Variants in ACKR2 observed in about 807,000 individuals in gnomAD.
The protein encoded by ACKR2 is C-C chemokine receptor D6.
For synonymous variants in ACKR2, 207 were observed against 192.2 expected (o/e 1.08, Z -0.64); for missense variants, 457 against 477.3 (o/e 0.96, Z 0.40).
chr3:42,810,436 C>T (rs1455298946), intron 1 of ACKR2, among the ~76,000 whole-genome samples: 1 of 151,006 alleles, frequency 6.6e-6, no homozygotes, highest in Non-Finnish European at 1.5e-5. Flanking sequence ...CCTTTTTCGC[C>T]TTTTTTCCTC....
At chr3:42,861,090 G>C (rs1000129818) in intron 2 of ACKR2, among the ~76,000 whole-genome samples, 2 of 152,046 alleles carry the variant, frequency 1.3e-5, no homozygotes, top group Admixed American at 6.5e-5. Flanking sequence ...TTTTTGAAAA[G>C]ATCAACAAAA....
chr3:42,862,433 G>C (rs2088393843), intron 2 of ACKR2, among the ~76,000 whole-genome samples: 1 of 152,096 alleles, frequency 6.6e-6, no homozygotes, highest in Non-Finnish European at 1.5e-5. Context: ...TGGCCATACT[G>C]CCCAAAGTGA....
chr3:42,859,147 C>T (rs2088354699), intron 2 of ACKR2, among the ~76,000 whole-genome samples: 1 of 152,008 alleles, frequency 6.6e-6, no homozygotes, highest in African/African-American at 2.4e-5. Flanking sequence ...CAAGACAGGC[C>T]AACATTCAAA....
rs1181594280 is a variant in ACKR2, at chr3:42,866,823, A to C, written c.*1166A>C. ...GCTGGGTAGAAGAGGTTAGTTTTAT[A>C]GACAGGAAGGGGCTGTCAAAGGCAG... On this transcript the variant is annotated 3_prime_UTR_variant, in exon 3 of 3. Coordinates refer to ENST00000422265, the MANE Select transcript of ACKR2 (RefSeq NM_001296.5). 6.0e-6 allele frequency: 1 copy of C among 167,032 alleles called. No homozygotes were observed. Among genetic ancestry groups the C allele is most frequent in the Non-Finnish European group, 1.5e-5 (1 of 68,114 alleles). The allele number at this position is 167,032 out of a possible 1,614,324, so 10.3% of individuals were successfully genotyped here.
chr3:42,828,278 T>G (rs1199256039), intron 2 of ACKR2, among the ~76,000 whole-genome samples: 2 of 151,638 alleles, frequency 1.3e-5, no homozygotes, highest in Non-Finnish European at 2.9e-5. Context: ...CCCAGCTGAT[T>G]TTTGTATTTT....
chr3:42,864,299 A>C (rs531016643), intron 2 of ACKR2, among the ~76,000 whole-genome samples, 167 bp from the exon 3 acceptor site: 1 of 152,232 alleles, frequency 6.6e-6, no homozygotes, highest in Non-Finnish European at 1.5e-5. Flanking sequence ...TCTTGGTGAC[A>C]TAACTATTAA....
At chr3:42,860,212 C>T (rs1475210714) in intron 2 of ACKR2, among the ~76,000 whole-genome samples, 2 of 123,326 alleles carry the variant, frequency 1.6e-5, no homozygotes, top group East Asian at 2.6e-4. Flanking sequence ...ATCCTAGTCT[C>T]TGATAAAACA....
rs1575374427 is a variant in ACKR2 at position 42,818,315 on chromosome 3, A to T, written c.-118-1316A>T. ...ATTCACCAAACATGAAAGCTGGGTC[A>T]ATCCCTGATGCCACTTCCTCCTTTC... On this transcript the variant is annotated intron_variant, in intron 1 of 2. Coordinates refer to ENST00000422265, the MANE Select transcript of ACKR2 (RefSeq NM_001296.5). Among the ~76,000 whole-genome samples, 6 of 152,330 alleles carry T rather than the reference A, an allele frequency of 3.9e-5. No homozygotes were observed. The South Asian group carries it at 1.2e-3, about 32-fold the overall frequency.
intron 2 of ACKR2, among the ~76,000 whole-genome samples, chr3:42,845,998 G>A (rs551159942): frequency 2.0e-5 from 3 of 152,202 alleles, no homozygotes; most frequent in Admixed American, 2.0e-4. Flanking sequence ...GAGGCTGAGG[G>A]TGGGGGTGGA....
chr3:42,854,937 A>G (rs545188761), intron 2 of ACKR2, among the ~76,000 whole-genome samples: 2 of 150,628 alleles, frequency 1.3e-5, no homozygotes, highest in South Asian at 4.2e-4. Context: ...GCTCACTGCA[A>G]CCTCTGCCTC....
intron 1 of ACKR2, 57 bp from the exon 2 acceptor site, chr3:42,819,574 G>T (rs1435184667): frequency 1.3e-5 from 2 of 152,270 alleles, no homozygotes; most frequent in Admixed American, 1.3e-4. Context: ...TGTACCTTGG[G>T]TTACAACCCC....
chr3:42,864,379 A>C, intron 2 of ACKR2, 87 bp from the exon 3 acceptor site: 2 of 1,193,548 alleles, frequency 1.7e-6, no homozygotes, highest in Non-Finnish European at 2.3e-6. Context: ...AGATTTGAAG[A>C]GTCTATTGGA....
At chr3:42,821,380 C>T (rs769894787) in intron 2 of ACKR2, among the ~76,000 whole-genome samples, 1 of 152,222 alleles carries the variant, frequency 6.6e-6, no homozygotes, top group Admixed American at 6.5e-5. Context: ...CAACAGCACA[C>T]GCACACAGGA....
At chr3:42,864,343 AC>A in intron 2 of ACKR2, 122 bp from the exon 3 acceptor site, 1 of 804,576 alleles carries the variant, frequency 1.2e-6, no homozygotes, top group East Asian at 2.7e-5. Flanking sequence ...TTTTGCTCTT[AC>A]TTGCTGGACT....
At chr3:42,855,251 T>A (rs915739128) in intron 2 of ACKR2, among the ~76,000 whole-genome samples, 1 of 152,200 alleles carries the variant, frequency 6.6e-6, no homozygotes, top group Non-Finnish European at 1.5e-5. Context: ...CAAGGTACCA[T>A]GTGCCTGGAG....
intron 2 of ACKR2, among the ~76,000 whole-genome samples, chr3:42,825,577 A>ATTG (rs1553699635): frequency 6.7e-6 from 1 of 148,720 alleles, no homozygotes; most frequent in Admixed American, 6.8e-5. Context: ...GTTAGCTCTG[A>ATTG]TGTGTGTGTG....
At chr3:42,846,624 G>T (rs1420111556) in intron 2 of ACKR2, among the ~76,000 whole-genome samples, 1 of 152,228 alleles carries the variant, frequency 6.6e-6, no homozygotes, top group Non-Finnish European at 1.5e-5. Flanking sequence ...CGGCCTGTTG[G>T]TTGGATAAGC....
intron 2 of ACKR2, among the ~76,000 whole-genome samples, chr3:42,850,772 C>A (rs1701147422): frequency 6.6e-6 from 1 of 152,108 alleles, no homozygotes; most frequent in Non-Finnish European, 1.5e-5. Flanking sequence ...GAGCTCCTGA[C>A]CCAGCAGGGG....
chr3:42,831,699 G>T (rs753544892), intron 2 of ACKR2, among the ~76,000 whole-genome samples: 1 of 152,174 alleles, frequency 6.6e-6, no homozygotes, highest in Non-Finnish European at 1.5e-5. Flanking sequence ...TAGTACTTTT[G>T]TAAGTAGTCT....
Sources: allele counts gnomAD v4.1 joint callset (sites outside exome capture counted in the v4.1 genomes callset), GRCh38; gene constraint gnomAD v4.1.1; transcripts MANE v1.5; gene names NCBI Gene and HGNC (gene_info 2026-07-23, HGNC 2026-07-21).